Variants in SH3BGRL2 observed in about 807,000 individuals in gnomAD.
The protein encoded by SH3BGRL2 is SH3 domain binding glutamate rich protein like 2, also known as SH3 domain-binding glutamic acid-rich-like protein 2.
Under a neutral mutation model 14.8 loss-of-function variants are expected in SH3BGRL2, and 21 were observed. That is an observed-to-expected ratio of 1.42 (90% CI 1.01 to 2.05). The LOEUF (loss-of-function observed/expected upper bound fraction) is 2.05. Among genes scored for constraint, SH3BGRL2 ranks in the 30% most tolerant of loss-of-function variants. SH3BGRL2 has a pLI of 0.00. For synonymous variants in SH3BGRL2, 50 were observed against 47.8 expected (o/e 1.05, Z -0.19); for missense variants, 147 against 130.8 (o/e 1.12, Z -0.61).
At chr6:79,564,177 CT>C in the SH3BGRL2 span, among the ~76,000 whole-genome samples, 1 of 148,918 alleles carries the variant, frequency 6.7e-6, no homozygotes, top group Non-Finnish European at 1.5e-5. Flanking sequence ...TATCTAACGA[CT>C]TGTGTATCTG....
intron 1 of SH3BGRL2, among the ~76,000 whole-genome samples, chr6:79,667,233 G>A (rs186078223): frequency 3.9e-5 from 6 of 152,276 alleles, no homozygotes; most frequent in Admixed American, 2.6e-4. Flanking sequence ...ACAAAAACGG[G>A]AATAATCTAA....
chr6:79,617,143 C>A, the SH3BGRL2 span, among the ~76,000 whole-genome samples: 1 of 151,506 alleles, frequency 6.6e-6, no homozygotes, highest in African/African-American at 2.4e-5. Flanking sequence ...CGTCATGGCA[C>A]CAGTGCATTC....
chr6:79,544,572 T>G, the SH3BGRL2 span, among the ~76,000 whole-genome samples: 2 of 152,154 alleles, frequency 1.3e-5, no homozygotes, highest in South Asian at 4.1e-4. Flanking sequence ...TGGTTAAACC[T>G]TTACCAGCAC....
At chr6:79,683,166 GTGCACA>G (rs1562157104) in intron 2 of SH3BGRL2, among the ~76,000 whole-genome samples, 1 of 152,050 alleles carries the variant, frequency 6.6e-6, no homozygotes, top group African/African-American at 2.4e-5. Flanking sequence ...CCTGCACGTT[GTGCACA>G]TGTACCCTAG....
the SH3BGRL2 span, among the ~76,000 whole-genome samples, chr6:79,607,857 A>G: frequency 6.6e-6 from 1 of 152,154 alleles, no homozygotes; most frequent in African/African-American, 2.4e-5. Flanking sequence ...AGGCAGGAGA[A>G]TTGCTTGAAC....
chr6:79,565,256 A>T, the SH3BGRL2 span, among the ~76,000 whole-genome samples: 1 of 152,214 alleles, frequency 6.6e-6, no homozygotes, highest in African/African-American at 2.4e-5. Context: ...TTTTCAGAAC[A>T]TGAATTCAAT....
the SH3BGRL2 span, chr6:79,561,616 G>A: frequency 8.3e-4 from 126 of 152,278 alleles, no homozygotes; most frequent in African/African-American, 2.8e-3. Context: ...GACTTGGATC[G>A]AGCAAGATAT....
rs182211660 is a variant in SH3BGRL2, at chr6:79,692,897, G to A, written c.232-3588G>A. ...AGTTTTTTCCAATCCTGTGAAGAAAGTCATTGGTACCTTGATGGGGATGGC... is the reference window on the plus strand; with the variant it reads ...AGTTTTTTCCAATCCTGTGAAGAAAATCATTGGTACCTTGATGGGGATGGC... On this transcript the variant is annotated intron_variant, in intron 2 of 3. Transcript: ENST00000369838. Among the ~76,000 whole-genome samples the A allele has an allele frequency of 3.8e-3, 582 of 152,312 alleles. 2 individuals carry two copies. Among genetic ancestry groups the A allele is most frequent in the Admixed American group, 7.8e-3 (119 of 15,302 alleles).
At chr6:79,565,809 T>A in the SH3BGRL2 span, among the ~76,000 whole-genome samples, 1 of 152,168 alleles carries the variant, frequency 6.6e-6, no homozygotes, top group Non-Finnish European at 1.5e-5. Context: ...TCTCTACTTC[T>A]CCTCTCTAAA....
chr6:79,561,744 C>A, the SH3BGRL2 span: 15 of 152,202 alleles, frequency 9.9e-5, no homozygotes, highest in Admixed American at 9.8e-4. Flanking sequence ...ACTGGGCAGT[C>A]ATGTTTGTGC....
At chr6:79,686,830 G>A (rs1770107068) in intron 2 of SH3BGRL2, among the ~76,000 whole-genome samples, 1 of 152,196 alleles carries the variant, frequency 6.6e-6, no homozygotes. Flanking sequence ...ATAAGACTGT[G>A]TAGGAGAGTG....
the SH3BGRL2 span, among the ~76,000 whole-genome samples, chr6:79,583,746 G>A: frequency 1.4e-4 from 22 of 152,170 alleles, no homozygotes; most frequent in Non-Finnish European, 2.9e-5. Context: ...AAACCTGCAC[G>A]TTGTGCACCT....
chr6:79,669,830 A>G (rs1197229226), intron 1 of SH3BGRL2, among the ~76,000 whole-genome samples: 2 of 152,208 alleles, frequency 1.3e-5, no homozygotes, highest in Non-Finnish European at 2.9e-5. Flanking sequence ...GTGGTGAAAA[A>G]TACAGCAGTG....
In SH3BGRL2 at chr6:79,702,776, T is replaced by TG. The variant is rs1275879403; in HGVS notation, c.*3271dup. ...GGAGTTAAATCACTCAGCCCCTGGG[T>TG]GGGGTGGGGTGGTTCAAATGGATGA... On this transcript the variant is annotated 3_prime_UTR_variant, in exon 4 of 4. Coordinates refer to ENST00000369838, the MANE Select transcript of SH3BGRL2 (RefSeq NM_031469.4). 2.6e-5 allele frequency: 4 copies of TG among 152,106 alleles called. No homozygotes were observed. The highest frequency in any genetic ancestry group is 5.9e-5 in the Non-Finnish European group (4 of 68,096). 9.4% of individuals were successfully genotyped at this position (152,106 alleles called of 1,614,324 possible).
At chr6:79,684,799 T>G (rs573460640) in intron 2 of SH3BGRL2, among the ~76,000 whole-genome samples, 2 of 152,286 alleles carry the variant, frequency 1.3e-5, no homozygotes, top group Non-Finnish European at 2.9e-5. Context: ...CTTAGAGAAG[T>G]TTATCTGCAT....
At chr6:79,680,325 G>A (rs1434749008) in intron 2 of SH3BGRL2, among the ~76,000 whole-genome samples, 1 of 152,098 alleles carries the variant, frequency 6.6e-6, no homozygotes, top group African/African-American at 2.4e-5. Context: ...TCCCAATACT[G>A]TTGAAGAGAC....
At chr6:79,579,082 G>A in the SH3BGRL2 span, among the ~76,000 whole-genome samples, 3 of 152,188 alleles carry the variant, frequency 2.0e-5, no homozygotes, top group South Asian at 6.2e-4. Context: ...TGAAATTAAA[G>A]TGAGAAGACA....
intron 1 of SH3BGRL2, among the ~76,000 whole-genome samples, chr6:79,659,979 A>G (rs1769509702): frequency 2.0e-5 from 3 of 152,138 alleles, no homozygotes; most frequent in Admixed American, 1.3e-4. Flanking sequence ...TGATTTTTGC[A>G]TATTGATTTT....
intron 1 of SH3BGRL2, among the ~76,000 whole-genome samples, chr6:79,670,770 T>C (rs945900258): frequency 1.3e-5 from 2 of 152,162 alleles, no homozygotes; most frequent in African/African-American, 4.8e-5. Flanking sequence ...GTCTTTCTGC[T>C]TGAGCATATA....
Sources: gnomAD v4.1 joint callset for allele counts (sites outside exome capture counted in the v4.1 genomes callset) on GRCh38, gnomAD v4.1.1 for gene constraint, MANE v1.5 for transcripts, NCBI Gene and HGNC (gene_info 2026-07-23, HGNC 2026-07-21) for gene names.